DNMBP: variants seen among roughly 807,000 people sequenced by gnomAD.
DNMBP encodes the protein dynamin-binding protein.
Under a neutral mutation model 150.0 loss-of-function variants are expected in DNMBP, and 87 were observed. The ratio of observed to expected loss-of-function variants is 0.58; its 90% confidence interval spans 0.49 to 0.69. The LOEUF (loss-of-function observed/expected upper bound fraction) is 0.69, where lower values mean the gene tolerates loss of function less well. Ranked by LOEUF, DNMBP falls within the 30% of genes least tolerant of loss-of-function variation. The pLI, the probability that DNMBP is intolerant of heterozygous loss-of-function variation, is 0.00. For missense variants in DNMBP, 1,774 were observed against 1,949.0 expected, an observed-to-expected ratio of 0.91 and a Z score of 1.69; for synonymous variants, 711 against 750.4, an observed-to-expected ratio of 0.95 and a Z score of 0.86.
chr10:99,949,020 T>G (rs2040391552), intron 4 of DNMBP, among the ~76,000 whole-genome samples: 1 of 134,788 alleles, frequency 7.4e-6, no homozygotes, highest in Non-Finnish European at 1.7e-5. Context: ...AAATGCAGAG[T>G]TTTAAGAAGA....
rs373446562 is a variant in DNMBP at position 99,883,981 on chromosome 10, T to A, written c.3997+30A>T. 799 of 1,601,670 alleles carry A rather than the reference T, an allele frequency of 5.0e-4. 3 individuals are homozygous for A. Among genetic ancestry groups the A allele is most frequent in the Middle Eastern group, 3.3e-4 (2 of 6,014 alleles). ...CAAAACTACTATTTTTTTTTTCCAG[T>A]TACAGTCCTCTGCTGCTTAAAATTC... is the stretch of plus-strand genomic sequence containing the variant. On this transcript the variant is annotated intron_variant, in intron 15 of 16. Coordinates refer to ENST00000324109, the MANE Select transcript of DNMBP (RefSeq NM_015221.4).
chr10:99,921,988 G>A (rs2040028082), intron 4 of DNMBP, among the ~76,000 whole-genome samples: 1 of 147,600 alleles, frequency 6.8e-6, no homozygotes, highest in Non-Finnish European at 1.5e-5. Flanking sequence ...TCATTGATTT[G>A]TTTCCTTTCA....
Position 99,955,351 on chromosome 10 carries a change from T to C in DNMBP, c.2123A>G (p.Tyr708Cys). 6.2e-7 allele frequency: 1 copy of C among 1,614,176 alleles called. No individual in the cohort carries two copies. The highest frequency in any genetic ancestry group is 2.2e-5 in the East Asian group (1 of 44,874). Reference protein sequence around the residue: ...IEEMERDLDMYSRAQEELNLM... With the variant: ...IEEMERDLDMCSRAQEELNLM... ...GTTTAGCTCTTCTTGAGCTCTACTG[T>C]ACATATCCAAGTCCCGCTCCATTTC... The change falls in exon 4 of 17, where the codon TAC (tyrosine) becomes TGC (cysteine). Residue 708 changes from tyrosine to cysteine, a missense_variant. Around this residue, in one of 2 missense-constraint regions of DNMBP, gnomAD observed 1,430 missense variants for 1,492.5 expected, o/e 0.96. Coordinates refer to ENST00000324109, the MANE Select transcript of DNMBP (RefSeq NM_015221.4).
chr10:99,946,311 T>C (rs568963059), intron 4 of DNMBP, among the ~76,000 whole-genome samples: 15 of 152,288 alleles, frequency 9.8e-5, no homozygotes, highest in African/African-American at 3.1e-4. Flanking sequence ...CAACATAAAA[T>C]GAAAACCTTT....
At chr10:99,964,885 AATATAT>A (rs67147502) in intron 3 of DNMBP, among the ~76,000 whole-genome samples, 1 of 135,968 alleles carries the variant, frequency 7.4e-6, no homozygotes, top group African/African-American at 2.8e-5. Flanking sequence ...AAAAAAAAAA[AATATAT>A]ATATATATAT....
chr10:99,877,358 A>G, intron 16 of DNMBP, 22 bp from the exon 17 acceptor site: 1 of 1,581,778 alleles, frequency 6.3e-7, no homozygotes, highest in Non-Finnish European at 8.6e-7. Flanking sequence ...AGAGAGAGAA[A>G]ATGGGAAATT....
chr10:99,941,477 T>C (rs1324768880), intron 4 of DNMBP, among the ~76,000 whole-genome samples: 1 of 152,080 alleles, frequency 6.6e-6, no homozygotes, highest in African/African-American at 2.4e-5. Flanking sequence ...TCAATTTTTT[T>C]TTTTTTTTGA....
chr10:99,964,945 T>C (rs903520951), intron 3 of DNMBP, among the ~76,000 whole-genome samples: 1 of 151,466 alleles, frequency 6.6e-6, no homozygotes, highest in Non-Finnish European at 1.5e-5. Flanking sequence ...AACAATTACA[T>C]AGCTTCAGGA....
rs1425346044 is a variant in DNMBP at position 99,876,385 on chromosome 10, AC to A, written c.*765del. 1 of 144,158 alleles carries A rather than the reference AC, an allele frequency of 6.9e-6. No individual in the cohort carries two copies. Among genetic ancestry groups the A allele is most frequent in the Non-Finnish European group, 1.5e-5 (1 of 67,094 alleles). The allele number at this position is 144,158 out of a possible 1,614,324, so 8.9% of individuals were successfully genotyped here. A position where few individuals can be genotyped will look rare whatever the true frequency, so the allele number is the denominator to read the frequency against. On this transcript the variant is annotated 3_prime_UTR_variant, in exon 17 of 17. Transcript: ENST00000324109. ...AGACCAGCCTGGGCAACATAGCAAG[AC>A]CCCATCTCAAAAAAAAAAGCGGGGG...
At chr10:99,983,657 A>AT (rs1714419740) in intron 1 of DNMBP, among the ~76,000 whole-genome samples, 1 of 152,246 alleles carries the variant, frequency 6.6e-6, no homozygotes, top group African/African-American at 2.4e-5. Context: ...CCAGGACCGC[A>AT]GCACTGACTC....
At chr10:99,924,336 G>A (rs997839360) in intron 4 of DNMBP, among the ~76,000 whole-genome samples, 5 of 152,008 alleles carry the variant, frequency 3.3e-5, no homozygotes, top group Non-Finnish European at 5.9e-5. Context: ...CCAGCTACTC[G>A]GGAGGCTGAG....
rs550192883 is a variant in DNMBP at position 99,876,642 on chromosome 10, A to C, written c.*509T>G. 11 of 152,468 alleles carry C rather than the reference A, an allele frequency of 7.2e-5. No individual in the cohort carries two copies. Among genetic ancestry groups the C allele is most frequent in the Non-Finnish European group, 1.2e-4 (8 of 68,244 alleles). 9.4% of individuals were successfully genotyped at this position (152,468 alleles called of 1,614,324 possible). A position where few individuals can be genotyped will look rare whatever the true frequency, so the allele number is the denominator to read the frequency against. On this transcript the variant is annotated 3_prime_UTR_variant, in exon 17 of 17. Coordinates refer to ENST00000324109, the MANE Select transcript of DNMBP (RefSeq NM_015221.4). ...CACTGGAGGTGTCCCAGGAGCTTTGAAGCACTAGGTTTGGTTCAATCCCGA... is the reference window on the plus strand; with the variant it reads ...CACTGGAGGTGTCCCAGGAGCTTTGCAGCACTAGGTTTGGTTCAATCCCGA...
chr10:99,951,508 C>G (rs2040422195), intron 4 of DNMBP, among the ~76,000 whole-genome samples: 1 of 152,234 alleles, frequency 6.6e-6, no homozygotes, highest in Admixed American at 6.5e-5. Context: ...GGAGGCTGTA[C>G]CCTGGAGAGC....
At chr10:99,883,095 A>AAGGAT (rs1370922825) in intron 15 of DNMBP, among the ~76,000 whole-genome samples, 1 of 152,182 alleles carries the variant, frequency 6.6e-6, no homozygotes, top group Admixed American at 6.5e-5. Flanking sequence ...TTCACACCAA[A>AAGGAT]AGGATAAGTT....
chr10:100,002,826 T>C (rs2041030033), intron 1 of DNMBP, among the ~76,000 whole-genome samples: 1 of 152,176 alleles, frequency 6.6e-6, no homozygotes, highest in Admixed American at 6.5e-5. Flanking sequence ...TTAATACCTA[T>C]TTATGATGAA....
chr10:99,885,371 G>A (rs745453889), intron 14 of DNMBP, among the ~76,000 whole-genome samples: 2 of 152,102 alleles, frequency 1.3e-5, no homozygotes, highest in African/African-American at 4.8e-5. Context: ...TTAGCTGGGC[G>A]TAGTGGCGTG....
At chr10:99,975,626 A>G (rs2040720037) in intron 1 of DNMBP, among the ~76,000 whole-genome samples, 1 of 152,166 alleles carries the variant, frequency 6.6e-6, no homozygotes, top group African/African-American at 2.4e-5. Flanking sequence ...GATGCTACTA[A>G]CACATTTTCT....
At chr10:99,899,306 G>A (rs1433911168) in intron 7 of DNMBP, among the ~76,000 whole-genome samples, 3 of 150,354 alleles carry the variant, frequency 2.0e-5, no homozygotes, top group African/African-American at 7.3e-5. Flanking sequence ...CTCACCTGAT[G>A]TCTAGAATAC....
chr10:99,942,869 T>C (rs1319073645), intron 4 of DNMBP, among the ~76,000 whole-genome samples: 1 of 152,250 alleles, frequency 6.6e-6, no homozygotes, highest in African/African-American at 2.4e-5. Context: ...TCATTTTTAC[T>C]GAGCCAAAAG....
Sources: gnomAD v4.1 joint callset for allele counts (sites outside exome capture counted in the v4.1 genomes callset) on GRCh38, gnomAD v4.1.1 for gene constraint, gnomAD v4.1.1 regional missense constraint, MANE v1.5 for transcripts, NCBI Gene and HGNC (gene_info 2026-07-23, HGNC 2026-07-21) for gene names.